ATXN1: variants seen among roughly 807,000 people sequenced by gnomAD.
ATXN1 encodes the protein ataxin-1.
In ATXN1, 8 loss-of-function variants were observed where a neutral mutation model predicts 56.4. The ratio of observed to expected loss-of-function variants is 0.14; its 90% CI spans 0.08 to 0.26. The LOEUF (loss-of-function observed/expected upper bound fraction) is 0.26, where lower values mean the gene tolerates loss of function less well. ATXN1 is among the 10% of genes least tolerant of loss of function. ATXN1 has a pLI of 1.00. For missense variants in ATXN1, 987 were observed against 1,106.5 expected, an observed-to-expected ratio of 0.89 and a Z score of 1.53; for synonymous variants, 514 against 494.6, an observed-to-expected ratio of 1.04 and a Z score of -0.52.
intron 6 of ATXN1, among the ~76,000 whole-genome samples, chr6:16,394,577 T>C (rs1334501039): frequency 6.6e-6 from 1 of 152,178 alleles, no homozygotes; most frequent in Non-Finnish European, 1.5e-5. Context: ...CAAATTCCTC[T>C]TGTCTAGTTT....
rs114602929 is a variant in ATXN1, at chr6:16,753,442, C to T, written c.-729-95G>A. 1,498 of 426,504 alleles carry T rather than the reference C, an allele frequency of 3.5e-3. 16 individuals are homozygous for T. Among genetic ancestry groups the T allele is most frequent in the Middle Eastern group, 0.019 (34 of 1,830 alleles). The allele number at this position is 426,504 out of a possible 1,614,324, so 26.4% of individuals were successfully genotyped here. ...AAGTCCACCTTAAGTGTCTATGCAC[C>T]GAAATACAAATTTTAAGAACATCAC... is the stretch of plus-strand genomic sequence containing the variant. On this transcript the variant is annotated intron_variant, in intron 1 of 7. Transcript: ENST00000436367.
intron 4 of ATXN1, among the ~76,000 whole-genome samples, chr6:16,569,636 G>C (rs1039926325): frequency 6.6e-6 from 1 of 152,086 alleles, no homozygotes; most frequent in African/African-American, 2.4e-5. Flanking sequence ...CCAAATCTCG[G>C]GTGGGGCTGG....
At chr6:16,564,624 T>C (rs1226193366) in intron 4 of ATXN1, among the ~76,000 whole-genome samples, 2 of 152,236 alleles carry the variant, frequency 1.3e-5, no homozygotes, top group Non-Finnish European at 2.9e-5. Flanking sequence ...GCATATTGCA[T>C]GATTCTATTT....
chr6:16,494,355 C>T (rs776682623), intron 5 of ATXN1, among the ~76,000 whole-genome samples: 3 of 152,196 alleles, frequency 2.0e-5, no homozygotes, highest in Non-Finnish European at 4.4e-5. Flanking sequence ...GGATACCTAG[C>T]ATGCACTCAG....
At chr6:16,415,210 AT>A (rs1018822964) in intron 6 of ATXN1, among the ~76,000 whole-genome samples, 1 of 152,178 alleles carries the variant, frequency 6.6e-6, no homozygotes, top group African/African-American at 2.4e-5. Context: ...CAGTGAAACA[AT>A]AAGTGGTTTT....
At chr6:16,480,271 T>A (rs190316387) in intron 6 of ATXN1, among the ~76,000 whole-genome samples, 2 of 152,084 alleles carry the variant, frequency 1.3e-5, no homozygotes, top group African/African-American at 4.8e-5. Flanking sequence ...CCAAACAATT[T>A]CTGATGGAAG....
At chr6:16,498,874 A>G (rs1021018819) in intron 5 of ATXN1, among the ~76,000 whole-genome samples, 7 of 152,308 alleles carry the variant, frequency 4.6e-5, no homozygotes, top group African/African-American at 1.7e-4. Context: ...TTGAATTGTA[A>G]GAGTTCTTTA....
At chr6:16,688,742 C>T (rs1002231478) in intron 2 of ATXN1, among the ~76,000 whole-genome samples, 15 of 152,142 alleles carry the variant, frequency 9.9e-5, no homozygotes, top group African/African-American at 3.6e-4. Context: ...CACTTATTTA[C>T]AATTGGGGCT....
chr6:16,370,319 T>A (rs1230099708), intron 6 of ATXN1, among the ~76,000 whole-genome samples: 1 of 152,218 alleles, frequency 6.6e-6, no homozygotes, highest in Non-Finnish European at 1.5e-5. Flanking sequence ...TTTGGGTCTA[T>A]CTTTTCTTTG....
chr6:16,376,570 G>C (rs1203713760), intron 6 of ATXN1, among the ~76,000 whole-genome samples: 1 of 152,224 alleles, frequency 6.6e-6, no homozygotes, highest in African/African-American at 2.4e-5. Context: ...GGATTGGAGA[G>C]AGGCCATATA....
chr6:16,434,374 C>T (rs1285099345), intron 6 of ATXN1, among the ~76,000 whole-genome samples: 2 of 152,146 alleles, frequency 1.3e-5, no homozygotes, highest in East Asian at 1.9e-4. Context: ...CTATCTTTGT[C>T]CTCAGAATTG....
intron 6 of ATXN1, among the ~76,000 whole-genome samples, chr6:16,414,033 G>C (rs1402060073): frequency 6.6e-6 from 1 of 152,182 alleles, no homozygotes. Flanking sequence ...GCTTAATTTG[G>C]AGGATAAGAA....
chr6:16,710,889 A>T (rs56085766), intron 2 of ATXN1, among the ~76,000 whole-genome samples: 6,745 of 151,562 alleles, frequency 0.045, 501 homozygotes, highest in African/African-American at 0.15. Context: ...CACCCAGCCT[A>T]TTATTATTAT....
At chr6:16,316,144 C>T (rs538693859) in intron 7 of ATXN1, among the ~76,000 whole-genome samples, 53 of 152,288 alleles carry the variant, frequency 3.5e-4, no homozygotes, top group Admixed American at 3.1e-3. Flanking sequence ...CTCATAGGAG[C>T]GTGAACCCTA....
At chr6:16,446,028 G>A (rs1204384243) in intron 6 of ATXN1, among the ~76,000 whole-genome samples, 2 of 151,832 alleles carry the variant, frequency 1.3e-5, no homozygotes, top group Non-Finnish European at 1.5e-5. Context: ...TAGTCCTTTG[G>A]GTATATACCC....
intron 2 of ATXN1, among the ~76,000 whole-genome samples, chr6:16,659,503 A>G (rs557968171): frequency 2.0e-5 from 3 of 152,320 alleles, no homozygotes; most frequent in African/African-American, 7.2e-5. Context: ...TACCAACTTC[A>G]TATCTCGAGG....
At chr6:16,702,128 A>T (rs547346536) in intron 2 of ATXN1, among the ~76,000 whole-genome samples, 1 of 152,276 alleles carries the variant, frequency 6.6e-6, no homozygotes, top group African/African-American at 2.4e-5. Flanking sequence ...TACTGGTACC[A>T]AAACAGAGAT....
rs562399529 is a variant in ATXN1, at chr6:16,410,168, G to A, written c.-161+75804C>T. On this transcript the variant is annotated intron_variant, in intron 6 of 7. Transcript: ENST00000436367. The surrounding 1 kb of genome is among the most constrained non-coding windows in gnomAD (Gnocchi z 4.6). ...GCCTCGGCCTCTTGCTTACTATGAC[G>A]CCGTGTGAATCACAGCATCTAGCGG... 2.6e-5 allele frequency among the ~76,000 whole-genome samples: 4 copies of A among 152,276 alleles called. No homozygotes were observed. The East Asian group carries it at 5.8e-4, about 22-fold the overall frequency.
intron 6 of ATXN1, among the ~76,000 whole-genome samples, chr6:16,395,972 G>A (rs1056605843): frequency 7.6e-6 from 1 of 131,960 alleles, no homozygotes; most frequent in African/African-American, 2.9e-5. Context: ...CTGAGATTGT[G>A]CCACTGCACT....
Sources: gnomAD v4.1 joint callset for allele counts (sites outside exome capture counted in the v4.1 genomes callset) on GRCh38, gnomAD v4.1.1 for gene constraint, Gnocchi (gnomAD v3.1) non-coding constraint, MANE v1.5 for transcripts, NCBI Gene and HGNC (gene_info 2026-07-23, HGNC 2026-07-21) for gene names.